Variants in CDC73 observed in about 807,000 individuals in gnomAD.
CDC73 encodes the protein parafibromin.
A neutral mutation model predicts 83.7 loss-of-function variants in CDC73; 21 were observed. The ratio of observed to expected loss-of-function variants is 0.25; its 90% CI spans 0.18 to 0.36. The LOEUF is 0.36. Among genes scored for constraint, CDC73 ranks in the 10% least tolerant of loss-of-function variants. The pLI, the probability that CDC73 is intolerant of heterozygous loss-of-function variation, is 1.00. For missense variants in CDC73, 342 were observed against 653.3 expected (o/e 0.52, Z 5.19); for synonymous variants, 224 against 212.9 (o/e 1.05, Z -0.45).
chr1:193,194,397 C>G (rs1378114221), intron 10 of CDC73, among the ~76,000 whole-genome samples: 1 of 152,138 alleles, frequency 6.6e-6, no homozygotes, highest in Non-Finnish European at 1.5e-5. Flanking sequence ...TTAAGACTTA[C>G]AGATCAACTT....
chr1:193,218,742 C>T (rs1305076307), intron 13 of CDC73, among the ~76,000 whole-genome samples: 1 of 152,106 alleles, frequency 6.6e-6, no homozygotes, highest in Non-Finnish European at 1.5e-5. Flanking sequence ...TTCCTTTCAC[C>T]ATATGCAAAA....
chr1:193,201,200 C>G (rs1677085435), intron 10 of CDC73, among the ~76,000 whole-genome samples: 1 of 151,852 alleles, frequency 6.6e-6, no homozygotes, highest in Non-Finnish European at 1.5e-5. Context: ...CATTTTTTTT[C>G]TATTGCAACA....
intron 10 of CDC73, among the ~76,000 whole-genome samples, chr1:193,188,870 A>G (rs1202504135): frequency 1.3e-5 from 2 of 151,958 alleles, no homozygotes; most frequent in Non-Finnish European, 2.9e-5. Flanking sequence ...TCCAAATATT[A>G]CTAACAAAAG....
In CDC73 at chr1:193,252,319, A is replaced by G; in HGVS notation, c.*1607A>G. On this transcript the variant is annotated 3_prime_UTR_variant, in exon 17 of 17. Transcript: ENST00000367435. Reference sequence around the variant, plus strand: ...TTAGGCTTTCTTAGCATATAAATATATTTCCAAAATAAATTACATGTTGTG... The same window carrying G: ...TTAGGCTTTCTTAGCATATAAATATGTTTCCAAAATAAATTACATGTTGTG... The G allele has an allele frequency of 4.3e-6, 1 of 230,296 alleles. No homozygotes were observed. The allele number at this position is 230,296 out of a possible 1,614,324, so 14.3% of individuals were successfully genotyped here.
chr1:193,150,342 C>A lies in CDC73; in HGVS notation c.867C>A (p.Ala289=), dbSNP rs749915144. The A allele has an allele frequency of 6.2e-7, 1 of 1,613,384 alleles. No individual in the cohort carries two copies. Among genetic ancestry groups the A allele is most frequent in the Non-Finnish European group, 8.5e-7 (1 of 1,179,344 alleles). The change falls in exon 9 of 17, where the codon GCC becomes GCA. Residue 289 remains alanine, a synonymous_variant. Coordinates refer to ENST00000367435, the MANE Select transcript of CDC73 (RefSeq NM_024529.5). ...GCACCAAACAGCCTATCCCAGCTGC[C>A]TATAACAGATACGATCAGGAAAGAT... is the stretch of plus-strand genomic sequence containing the variant. ...TLRTKQPIPA[A]YNRYDQERFK...
At position 193,122,301 on chromosome 1, in the gene CDC73, A is replaced by C; in HGVS notation, c.101A>C (p.Lys34Thr). The change falls in exon 1 of 17, where the codon AAG becomes ACG. Residue 34 changes from lysine (K) to threonine (T), a missense_variant. Transcript: ENST00000367435. ...ATCTTCGGGGAGTTCTCCTGGCCCA[A>C]GAATGTGAAGACCAACTATGTTGTT... ...EVIFGEFSWP[K>T]NVKTNYVVWG... 1 of 1,614,144 alleles carries C rather than the reference A, an allele frequency of 6.2e-7. No individual in the cohort carries two copies. Among genetic ancestry groups the C allele is most frequent in the Non-Finnish European group, 8.5e-7 (1 of 1,180,000 alleles).
intron 13 of CDC73, among the ~76,000 whole-genome samples, chr1:193,219,773 T>C (rs111584068): frequency 6.6e-5 from 10 of 152,304 alleles, no homozygotes; most frequent in African/African-American, 2.4e-4. Flanking sequence ...AAAATACCTG[T>C]TGTGTACTGT....
At chr1:193,193,236 A>AT (rs1401272827) in intron 10 of CDC73, among the ~76,000 whole-genome samples, 16 of 152,232 alleles carry the variant, frequency 1.1e-4, no homozygotes, top group Non-Finnish European at 1.8e-4. Context: ...TGGCAAATAC[A>AT]TTAAGCATTT....
At chr1:193,199,337 A>C (rs1677051613) in intron 10 of CDC73, among the ~76,000 whole-genome samples, 1 of 152,100 alleles carries the variant, frequency 6.6e-6, no homozygotes. Flanking sequence ...AGGCCAAGGC[A>C]GGAGGTTTGC....
intron 2 of CDC73, among the ~76,000 whole-genome samples, chr1:193,126,537 A>G (rs74664970): frequency 0.023 from 3,554 of 152,318 alleles, 138 homozygotes; most frequent in African/African-American, 0.082. Context: ...TATAATGCCC[A>G]CATAAAATGG....
chr1:193,141,745 G>T, intron 6 of CDC73, 105 bp from the exon 7 acceptor site: 2 of 738,410 alleles, frequency 2.7e-6, no homozygotes, highest in South Asian at 1.6e-5. Flanking sequence ...CTTAATTATT[G>T]CCATGTAAGT....
intron 14 of CDC73, among the ~76,000 whole-genome samples, chr1:193,233,417 A>C (rs1322048817): frequency 6.6e-6 from 1 of 152,204 alleles, no homozygotes; most frequent in Non-Finnish European, 1.5e-5. Flanking sequence ...GTTTTTTCTC[A>C]TGTGAGCAAT....
intron 15 of CDC73, among the ~76,000 whole-genome samples, chr1:193,244,617 T>C (rs1026350961): frequency 1.3e-5 from 2 of 152,214 alleles, no homozygotes; most frequent in Non-Finnish European, 2.9e-5. Context: ...AAAAAAATTA[T>C]TCTTCAACAT....
At chr1:193,214,532 A>G (rs531554375) in intron 13 of CDC73, among the ~76,000 whole-genome samples, 5 of 152,256 alleles carry the variant, frequency 3.3e-5, no homozygotes, top group African/African-American at 1.2e-4. Context: ...CCTGGCTAAC[A>G]CAGTGAAACC....
intron 10 of CDC73, among the ~76,000 whole-genome samples, chr1:193,160,572 A>G (rs917946409): frequency 7.9e-5 from 12 of 151,978 alleles, no homozygotes; most frequent in Admixed American, 4.6e-4. Flanking sequence ...TCCACTTTCT[A>G]TTTACCTGCA....
chr1:193,246,880 C>T (rs986011856), intron 15 of CDC73, among the ~76,000 whole-genome samples: 3 of 152,104 alleles, frequency 2.0e-5, no homozygotes, highest in Admixed American at 1.3e-4. Context: ...TTATTTTGCA[C>T]GATGCAGTTC....
chr1:193,220,191 G>A (rs577989267), intron 13 of CDC73, among the ~76,000 whole-genome samples: 2 of 138,974 alleles, frequency 1.4e-5, no homozygotes, highest in South Asian at 4.5e-4. Flanking sequence ...TTTTGAGACG[G>A]AGTCTCGCCG....
chr1:193,204,004 G>A, intron 11 of CDC73, 152 bp downstream of exon 11: 1 of 692,908 alleles, frequency 1.4e-6, no homozygotes, highest in East Asian at 2.7e-5. Context: ...TACTGTTTAA[G>A]CAGATCTCAA....
intron 6 of CDC73, among the ~76,000 whole-genome samples, chr1:193,139,662 G>A (rs368574111): frequency 1.4e-4 from 21 of 151,846 alleles, no homozygotes; most frequent in African/African-American, 4.6e-4. Context: ...CCTTGTTGAG[G>A]GCTAGATATT....
Sources: allele counts gnomAD v4.1 joint callset (sites outside exome capture counted in the v4.1 genomes callset), GRCh38; gene constraint gnomAD v4.1.1; transcripts MANE v1.5; gene names NCBI Gene and HGNC (gene_info 2026-07-23, HGNC 2026-07-21).